Variants in KIAA1217 observed in about 807,000 individuals in gnomAD.
The protein encoded by KIAA1217 is sickle tail protein homolog.
In KIAA1217, 88 loss-of-function variants were observed where a neutral mutation model predicts 163.9. That is an observed-to-expected ratio of 0.54 (90% CI 0.45 to 0.64). The LOEUF (loss-of-function observed/expected upper bound fraction) is 0.64, where lower values mean the gene tolerates loss of function less well. Ranked by LOEUF, KIAA1217 falls within the 30% of genes least tolerant of loss-of-function variation. The probability of loss-of-function intolerance (pLI) is 0.00; values close to 1 mark genes in which losing one functional copy is unlikely to be tolerated. For synonymous variants in KIAA1217, 903 were observed against 923.1 expected (o/e 0.98, Z 0.39); for missense variants, 2,372 against 2,475.0 (o/e 0.96, Z 0.88).
intron 1 of KIAA1217, among the ~76,000 whole-genome samples, chr10:23,752,255 G>A (rs1839776603): frequency 6.6e-6 from 1 of 151,970 alleles, no homozygotes; most frequent in Non-Finnish European, 1.5e-5. Context: ...TGTGGGAGGG[G>A]GATTTAATGA....
chr10:24,388,141 C>G (rs2054283924), intron 3 of KIAA1217, among the ~76,000 whole-genome samples: 2 of 152,170 alleles, frequency 1.3e-5, no homozygotes, highest in South Asian at 4.1e-4. Flanking sequence ...ATCACACTAC[C>G]TGACTTCAAA....
chr10:23,859,284 A>G (rs1839848318), intron 1 of KIAA1217, among the ~76,000 whole-genome samples: 1 of 152,186 alleles, frequency 6.6e-6, no homozygotes, highest in African/African-American at 2.4e-5. Context: ...CTTAATATTA[A>G]GTGCTTCTGG....
intron 2 of KIAA1217, among the ~76,000 whole-genome samples, chr10:24,054,465 A>G (rs1435159838): frequency 6.6e-6 from 1 of 152,182 alleles, no homozygotes; most frequent in African/African-American, 2.4e-5. Flanking sequence ...GGATATTCCA[A>G]GATTTGAGCT....
intron 2 of KIAA1217, among the ~76,000 whole-genome samples, chr10:24,315,073 C>T (rs1160610735): frequency 6.6e-6 from 1 of 152,132 alleles, no homozygotes; most frequent in Non-Finnish European, 1.5e-5. Flanking sequence ...CCCACTGATA[C>T]CCTGGAGCAT....
intron 1 of KIAA1217, 52 bp downstream of exon 1, chr10:24,209,315 C>A (rs922513955): frequency 1.0e-5 from 14 of 1,379,626 alleles, no homozygotes; most frequent in Middle Eastern, 1.8e-4. Context: ...GTGCCCCTTG[C>A]CGCTTGCTGC....
intron 2 of KIAA1217, among the ~76,000 whole-genome samples, chr10:24,349,233 A>G (rs1308683105): frequency 6.6e-6 from 1 of 151,686 alleles, no homozygotes; most frequent in Non-Finnish European, 1.5e-5. Context: ...TAACTTACTG[A>G]TTTTGTTTGT....
At chr10:23,923,777 AAGGGAACAAAT>A in intron 1 of KIAA1217, among the ~76,000 whole-genome samples, 1 of 152,214 alleles carries the variant, frequency 6.6e-6, no homozygotes, top group East Asian at 1.9e-4. Flanking sequence ...CCAGAACTGT[AAGGGAACAAAT>A]CTGAGTGGTT....
intron 2 of KIAA1217, among the ~76,000 whole-genome samples, chr10:24,046,859 C>T (rs747986765): frequency 4.0e-5 from 6 of 151,678 alleles, no homozygotes; most frequent in Non-Finnish European, 7.4e-5. Flanking sequence ...CACATTTCAC[C>T]GTGATGCTAG....
chr10:24,187,855 A>G (rs186760316), intron 2 of KIAA1217, among the ~76,000 whole-genome samples: 200 of 151,830 alleles, frequency 1.3e-3, no homozygotes, highest in African/African-American at 4.6e-3. Flanking sequence ...GCACCATTGC[A>G]TTCCAGCCTG....
chr10:24,404,939 G>GA (rs2057041486), intron 3 of KIAA1217, among the ~76,000 whole-genome samples: 2 of 152,198 alleles, frequency 1.3e-5, no homozygotes, highest in African/African-American at 4.8e-5. Flanking sequence ...AAATTATAGA[G>GA]ATGCAGAACG....
At chr10:24,531,333 A>C (rs1428361194) in intron 14 of KIAA1217, among the ~76,000 whole-genome samples, 3 of 152,134 alleles carry the variant, frequency 2.0e-5, no homozygotes, top group Admixed American at 1.3e-4. Flanking sequence ...CTACTCTGAC[A>C]TTGACCTTCA....
At chr10:23,840,638 A>T (rs774113207) in intron 1 of KIAA1217, among the ~76,000 whole-genome samples, 3 of 152,230 alleles carry the variant, frequency 2.0e-5, no homozygotes, top group African/African-American at 4.8e-5. Flanking sequence ...GTAAGAAAAA[A>T]ACATGATTGA....
At chr10:24,023,644 A>C (rs779619739) in intron 2 of KIAA1217, among the ~76,000 whole-genome samples, 1 of 151,752 alleles carries the variant, frequency 6.6e-6, no homozygotes, top group Non-Finnish European at 1.5e-5. Context: ...CTGAGAGACA[A>C]CTGTAATCAA....
intron 1 of KIAA1217, among the ~76,000 whole-genome samples, chr10:23,803,931 A>T (rs1836609025): frequency 6.6e-6 from 1 of 152,200 alleles, no homozygotes; most frequent in African/African-American, 2.4e-5. Context: ...ACTCATATAG[A>T]TATCTACGTG....
At chr10:23,898,089 G>GGAGTCTAA (rs1841783757) in intron 1 of KIAA1217, among the ~76,000 whole-genome samples, 1 of 151,826 alleles carries the variant, frequency 6.6e-6, no homozygotes, top group African/African-American at 2.4e-5. Flanking sequence ...TGTTGCTAAG[G>GGAGTCTAA]GAGTCTAAGA....
At chr10:23,865,368 G>T (rs1327933340) in intron 1 of KIAA1217, among the ~76,000 whole-genome samples, 6 of 152,052 alleles carry the variant, frequency 3.9e-5, no homozygotes, top group African/African-American at 1.4e-4. Context: ...TAATCATTTA[G>T]CCTCTATTCT....
At chr10:24,292,764 A>G (rs926294094) in intron 2 of KIAA1217, among the ~76,000 whole-genome samples, 1 of 152,108 alleles carries the variant, frequency 6.6e-6, no homozygotes, top group Non-Finnish European at 1.5e-5. Flanking sequence ...ATGAAGGTAA[A>G]CGCTTAGGAT....
At chr10:24,171,533 G>A (rs1277803517) in intron 2 of KIAA1217, among the ~76,000 whole-genome samples, 4 of 152,122 alleles carry the variant, frequency 2.6e-5, no homozygotes, top group Admixed American at 6.5e-5. Context: ...GGCTGGGCAC[G>A]GTGGCTCACG....
chr10:24,525,274 GC>G (rs2071953939), intron 13 of KIAA1217, among the ~76,000 whole-genome samples: 1 of 152,198 alleles, frequency 6.6e-6, no homozygotes, highest in Non-Finnish European at 1.5e-5. Flanking sequence ...GGTGAAGGCA[GC>G]CTGGGGAGGG....
Sources: gnomAD v4.1 joint callset for allele counts (sites outside exome capture counted in the v4.1 genomes callset) on GRCh38, gnomAD v4.1.1 for gene constraint, MANE v1.5 for transcripts, NCBI Gene and HGNC (gene_info 2026-07-23, HGNC 2026-07-21) for gene names.